Variants in FAM234A observed in about 807,000 individuals in gnomAD.
FAM234A encodes family with sequence similarity 234 member A.
In FAM234A, 42 loss-of-function variants were observed where a neutral mutation model predicts 49.1. The observed-to-expected ratio is 0.86, with a 90% CI of 0.67 to 1.11. The LOEUF (loss-of-function observed/expected upper bound fraction) is 1.11. FAM234A is among the 50% of genes least tolerant of loss of function. The probability of loss-of-function intolerance (pLI) is 0.00; values close to 1 mark genes in which losing one functional copy is unlikely to be tolerated. For missense variants in FAM234A, 815 were observed against 745.2 expected, an observed-to-expected ratio of 1.09 and a Z score of -1.09; for synonymous variants, 369 against 316.2, an observed-to-expected ratio of 1.17 and a Z score of -1.77.
chr16:246,418 T>C (rs2050807177), intron 1 of FAM234A, among the ~76,000 whole-genome samples: 1 of 64,530 alleles, frequency 1.5e-5, no homozygotes, highest in South Asian at 6.5e-4. Flanking sequence ...AGGTGGTGGC[T>C]TTTTTTTTTT....
intron 1 of FAM234A, among the ~76,000 whole-genome samples, chr16:241,108 G>A (rs568766350): frequency 6.6e-5 from 10 of 151,832 alleles, no homozygotes; most frequent in African/African-American, 2.4e-4. Flanking sequence ...TTTTGTGGAG[G>A]TAGGGTTTTG....
intron 1 of FAM234A, among the ~76,000 whole-genome samples, chr16:243,588 G>A (rs144955326): frequency 3.5e-4 from 54 of 152,324 alleles, no homozygotes; most frequent in Non-Finnish European, 6.5e-4. Flanking sequence ...GTTGAATCAT[G>A]AACTGCCTGG....
At chr16:262,356 C>T in intron 7 of FAM234A, 68 bp from the exon 8 acceptor site, 1 of 1,555,726 alleles carries the variant, frequency 6.4e-7, no homozygotes, top group Non-Finnish European at 8.7e-7. Context: ...CCATGTGGCA[C>T]TGCGTGCCCC....
intron 5 of FAM234A, chr16:260,369 C>G: frequency 1.7e-6 from 1 of 605,344 alleles, no homozygotes; most frequent in Non-Finnish European, 3.0e-6. Flanking sequence ...TGCACTGTGT[C>G]TGTTACCTCC....
intron 1 of FAM234A, 72 bp downstream of exon 1, chr16:234,929 A>ACCCCGGCCCCCAGGTT (rs2050344930): frequency 6.6e-6 from 1 of 151,816 alleles, no homozygotes; most frequent in Admixed American, 6.6e-5. Flanking sequence ...TCGCTCTGGG[A>ACCCCGGCCCCCAGGTT]CCCCGGCCCC....
At position 252,054 on chromosome 16, in the gene FAM234A, G is replaced by A. The variant is rs571563341; in HGVS notation, c.-33-2327G>A. The stretch of plus-strand genomic sequence containing the variant: ...GTCTCTCTGTTGCCCAGGCTAGAGT[G>A]CGGTGGCATGATCAGAGCTCACTGC... On this transcript the variant is annotated intron_variant, in intron 2 of 12. Coordinates refer to ENST00000399932, the MANE Select transcript of FAM234A (RefSeq NM_032039.4). 3.4e-4 allele frequency among the ~76,000 whole-genome samples: 51 copies of A among 150,490 alleles called. No homozygotes were observed. In the South Asian group the frequency reaches 8.2e-3, roughly 24 times the overall value.
At chr16:267,309 G>T (rs974826097), downstream of FAM234A, among the ~76,000 whole-genome samples, 3 of 152,012 alleles carry the variant, frequency 2.0e-5, no homozygotes, top group African/African-American at 7.3e-5. Context: ...CAGTGCCCTG[G>T]CTGTCTCCTC....
At position 259,483 on chromosome 16, in the gene FAM234A, T is replaced by C. The variant is rs576668646; in HGVS notation, c.269T>C (p.Val90Ala). Reference sequence around the variant, plus strand: ...TATAGTCTGTGGTTTTCTCTTTCAGTTATCTATGACTTTCTGGCTGTGGAT... The same window carrying C: ...TATAGTCTGTGGTTTTCTCTTTCAGCTATCTATGACTTTCTGGCTGTGGAT... ...RMWRIDYSAA[V>A]IYDFLAVDDI... is the part of the protein sequence containing the mutation. Residue 90 changes from valine to alanine, a missense_variant and splice_region_variant, in exon 4 of 13, where the codon GTT (valine) becomes GCT (alanine). Coordinates refer to ENST00000399932, the MANE Select transcript of FAM234A (RefSeq NM_032039.4). 58 of 1,570,384 alleles carry C rather than the reference T, an allele frequency of 3.7e-5. No individual in the cohort carries two copies. The Middle Eastern group carries it at 6.7e-4, about 18-fold the overall frequency.
chr16:241,444 A>G (rs1201306565), intron 1 of FAM234A, among the ~76,000 whole-genome samples: 2 of 152,038 alleles, frequency 1.3e-5, no homozygotes, highest in Non-Finnish European at 1.5e-5. Context: ...TTAGCTGAAC[A>G]AAAATTAGCT....
chr16:260,541 CAG>C (rs984820893), intron 5 of FAM234A: 7 of 482,208 alleles, frequency 1.5e-5, no homozygotes, highest in East Asian at 1.3e-4. Context: ...CTCGGCCCGT[CAG>C]GGGAGATCGG....
chr16:256,984 G>A (rs1287330977), intron 3 of FAM234A, among the ~76,000 whole-genome samples: 2 of 151,836 alleles, frequency 1.3e-5, no homozygotes, highest in Non-Finnish European at 2.9e-5. Context: ...TTAGGTGATT[G>A]GCCTGCCTCA....
chr16:263,495 G>T lies in FAM234A; in HGVS notation c.1112+93G>T. The T allele has an allele frequency of 1.4e-5, 22 of 1,534,404 alleles. No homozygotes were observed. In the South Asian group the frequency reaches 2.4e-4, roughly 16 times the overall value. On this transcript the variant is annotated intron_variant, in intron 9 of 12. Transcript: ENST00000399932. ...GGCTGGCGAGGAGACAGCGCTGGGG[G>T]TGGGGCCGGAGGCCGTGTGCTGCTG...
chr16:260,631 A>C (rs1381867660), intron 5 of FAM234A: 1 of 472,842 alleles, frequency 2.1e-6, no homozygotes, highest in Non-Finnish European at 4.4e-6. Flanking sequence ...GGACGAGGGA[A>C]AGAATGCGTG....
Position 263,776 on chromosome 16 carries a change from G to A in FAM234A, c.1188+1G>A, listed in dbSNP as rs1305507872. 6.2e-7 allele frequency: 1 copy of A among 1,611,354 alleles called. No individual in the cohort carries two copies. The highest frequency in any genetic ancestry group is 8.5e-7 in the Non-Finnish European group (1 of 1,177,478). ...AAACGGAACTGGCACCGACAGACAGGTTCGTTGTTCTTCCTTCGGAGGTGG... is the reference window on the plus strand; with the variant it reads ...AAACGGAACTGGCACCGACAGACAGATTCGTTGTTCTTCCTTCGGAGGTGG... On this transcript the variant is annotated splice_donor_variant, in intron 10 of 12. Coordinates refer to ENST00000399932, the MANE Select transcript of FAM234A (RefSeq NM_032039.4). LOFTEE classifies it high-confidence loss of function.
Position 260,161 on chromosome 16 carries a change from G to T in FAM234A, c.577+1G>T, listed in dbSNP as rs1467906775. 6.8e-6 allele frequency: 11 copies of T among 1,613,194 alleles called. No individual in the cohort carries two copies. Among genetic ancestry groups the T allele is most frequent in the Non-Finnish European group, 9.3e-6 (11 of 1,179,802 alleles). ...TTCATTGCAGTCAACTTGTTCACAG[G>T]TAGGCCAGCCAGGCAGCGGGGTTCT... On this transcript the variant is annotated splice_donor_variant, in intron 5 of 12. Coordinates refer to ENST00000399932, the MANE Select transcript of FAM234A (RefSeq NM_032039.4). LOFTEE classifies it high-confidence loss of function.
chr16:235,945 G>T (rs1007857337), intron 1 of FAM234A, among the ~76,000 whole-genome samples: 1 of 151,580 alleles, frequency 6.6e-6, no homozygotes, highest in Non-Finnish European at 1.5e-5. Context: ...CTGAGGTCAG[G>T]AGTTCGAGAC....
At chr16:239,788 G>A (rs1181703748) in intron 1 of FAM234A, among the ~76,000 whole-genome samples, 1 of 152,118 alleles carries the variant, frequency 6.6e-6, no homozygotes, top group African/African-American at 2.4e-5. Context: ...GAGGCATTGT[G>A]AGCCCTTCTC....
chr16:238,776 AAAAAAAAAAAG>A lies in FAM234A; in HGVS notation c.-140+3930_-140+3940del, dbSNP rs1475273189. Among the ~76,000 whole-genome samples the A allele has an allele frequency of 6.5e-3, 957 of 146,480 alleles. 13 individuals are homozygous for A. The highest frequency in any genetic ancestry group is 0.023 in the African/African-American group (919 of 39,452). ...GTGAGACTCCGTCTCAAAAAAAAAA[AAAAAAAAAAAG>A]AAAAAAAAAATCCCTGGCTGGGCGT... On this transcript the variant is annotated intron_variant, in intron 1 of 12. Coordinates refer to ENST00000399932, the MANE Select transcript of FAM234A (RefSeq NM_032039.4).
intron 1 of FAM234A, among the ~76,000 whole-genome samples, chr16:242,912 C>A (rs117237414): frequency 6.6e-6 from 1 of 151,776 alleles, no homozygotes. Context: ...ACGCCCATCC[C>A]GTGTCAGGTC....
Sources: gnomAD v4.1 joint callset for allele counts (sites outside exome capture counted in the v4.1 genomes callset) on GRCh38, gnomAD v4.1.1 for gene constraint, MANE v1.5 for transcripts, NCBI Gene and HGNC (gene_info 2026-07-23, HGNC 2026-07-21) for gene names.